Variants in DHRSX observed in about 807,000 individuals in gnomAD.
The protein encoded by DHRSX is polyprenol dehydrogenase.
Under a neutral mutation model 34.0 loss-of-function variants are expected in DHRSX, and 31 were observed. The ratio of observed to expected loss-of-function variants is 0.91; its 90% CI spans 0.69 to 1.23. DHRSX has a LOEUF of 1.23. DHRSX is among the 50% of genes most tolerant of loss of function. DHRSX has a pLI of 0.00. For missense variants in DHRSX, 414 were observed against 428.1 expected, an observed-to-expected ratio of 0.97 and a Z score of 0.29; for synonymous variants, 201 against 183.8, an observed-to-expected ratio of 1.09 and a Z score of -0.76.
At chrX:2,232,398 C>T (rs1420962860) in intron 6 of DHRSX, among the ~76,000 whole-genome samples, 6 of 151,942 alleles carry the variant, frequency 3.9e-5, no homozygotes, top group Admixed American at 1.3e-4. Flanking sequence ...ATGGAATTAC[C>T]GAGAACTATC....
intron 3 of DHRSX, among the ~76,000 whole-genome samples, chrX:2,332,326 G>A (rs942084614): frequency 6.6e-6 from 1 of 152,164 alleles, no homozygotes; most frequent in Non-Finnish European, 1.5e-5. Context: ...AGATTACGCT[G>A]GAGAAATATG....
chrX:2,415,037 G>A (rs1375276131), intron 2 of DHRSX, among the ~76,000 whole-genome samples: 10 of 149,516 alleles, frequency 6.7e-5, no homozygotes, highest in South Asian at 2.1e-4. Flanking sequence ...AGATCACATC[G>A]TGACCAACCA....
At chrX:2,292,491 T>C (rs138608944) in intron 3 of DHRSX, among the ~76,000 whole-genome samples, 3,253 of 152,062 alleles carry the variant, frequency 0.021, 115 homozygotes, top group African/African-American at 0.073. Context: ...CTGCTGAGTC[T>C]GTGGGTTATT....
intron 6 of DHRSX, among the ~76,000 whole-genome samples, chrX:2,235,530 G>C (rs1266006922): frequency 4.0e-5 from 6 of 151,480 alleles, no homozygotes; most frequent in Non-Finnish European, 5.9e-5. Context: ...GGATCACAAG[G>C]TCAAGAGATC....
intron 4 of DHRSX, 80 bp from the exon 5 acceptor site, chrX:2,267,027 C>T: frequency 1.4e-6 from 2 of 1,450,466 alleles, no homozygotes; most frequent in Non-Finnish European, 1.9e-6. Context: ...CCCAGATGCG[C>T]AAATGGCCCA....
intron 3 of DHRSX, among the ~76,000 whole-genome samples, chrX:2,403,891 A>T (rs1337278422): frequency 6.6e-5 from 10 of 152,016 alleles, no homozygotes; most frequent in Admixed American, 6.6e-4. Flanking sequence ...GTCAAAATTC[A>T]TGTTGTCTAA....
intron 3 of DHRSX, among the ~76,000 whole-genome samples, chrX:2,353,367 C>T (rs1320666345): frequency 6.6e-6 from 1 of 151,970 alleles, no homozygotes; most frequent in Non-Finnish European, 1.5e-5. Context: ...TCATTTACCC[C>T]GAAATGAAGT....
At chrX:2,423,850 A>T (rs2043810787) in intron 2 of DHRSX, among the ~76,000 whole-genome samples, 1 of 152,150 alleles carries the variant, frequency 6.6e-6, no homozygotes, top group Non-Finnish European at 1.5e-5. Context: ...GGAGTCAGAG[A>T]TCACGATAAG....
chrX:2,263,845 T>C (rs1284840505), intron 5 of DHRSX, among the ~76,000 whole-genome samples: 1 of 152,108 alleles, frequency 6.6e-6, no homozygotes, highest in East Asian at 1.9e-4. Flanking sequence ...TTAAACAAAC[T>C]AAGATGATTA....
intron 2 of DHRSX, among the ~76,000 whole-genome samples, chrX:2,410,868 G>T (rs186266755): frequency 6.6e-6 from 1 of 152,284 alleles, no homozygotes; most frequent in African/African-American, 2.4e-5. Flanking sequence ...TTCCTTGAAG[G>T]AATTCAAAGT....
intron 1 of DHRSX, among the ~76,000 whole-genome samples, chrX:2,427,271 T>C (rs1472283413): frequency 6.6e-6 from 1 of 151,846 alleles, no homozygotes; most frequent in African/African-American, 2.4e-5. Context: ...GCCAAGCACA[T>C]GGAAGGAGGG....
chrX:2,324,057 GAA>G (rs755736026), intron 3 of DHRSX, among the ~76,000 whole-genome samples: 70,366 of 142,846 alleles, frequency 0.49, 17,142 homozygotes, highest in Middle Eastern at 0.55. Context: ...ACCCTGTCTG[GAA>G]AAAAAAAAAA....
At chrX:2,359,438 G>A (rs1325362737) in intron 3 of DHRSX, among the ~76,000 whole-genome samples, 1 of 152,178 alleles carries the variant, frequency 6.6e-6, no homozygotes, top group Non-Finnish European at 1.5e-5. Context: ...AGCACTTTGG[G>A]AGGCCAAGGC....
At chrX:2,310,512 C>T (rs1172601118) in intron 3 of DHRSX, among the ~76,000 whole-genome samples, 5 of 151,162 alleles carry the variant, frequency 3.3e-5, no homozygotes, top group Non-Finnish European at 7.4e-5. Flanking sequence ...GTGAAAGACG[C>T]TGCAGCGAGA....
intron 5 of DHRSX, among the ~76,000 whole-genome samples, chrX:2,260,931 C>T (rs748456697): frequency 2.0e-5 from 3 of 151,244 alleles, no homozygotes; most frequent in East Asian, 2.0e-4. Flanking sequence ...TAATGGTGGT[C>T]GGGTGTGGTG....
chrX:2,299,093 T>C (rs911591133), intron 3 of DHRSX, among the ~76,000 whole-genome samples: 8 of 151,862 alleles, frequency 5.3e-5, no homozygotes, highest in South Asian at 2.1e-4. Context: ...CAACTGCCAG[T>C]ATCAAATACT....
At chrX:2,468,270 T>C (rs974365344) in intron 1 of DHRSX, among the ~76,000 whole-genome samples, 5 of 151,992 alleles carry the variant, frequency 3.3e-5, no homozygotes, top group African/African-American at 9.7e-5. Context: ...AGCAAGGGTG[T>C]AGGGGAAGAA....
At chrX:2,286,320 C>G (rs1215646440) in intron 4 of DHRSX, among the ~76,000 whole-genome samples, 1 of 150,592 alleles carries the variant, frequency 6.6e-6, no homozygotes, top group Admixed American at 6.6e-5. Flanking sequence ...ATGCACAAAC[C>G]AAGGCAAAAA....
intron 5 of DHRSX, among the ~76,000 whole-genome samples, chrX:2,252,285 CA>C (rs1474843988): frequency 6.6e-6 from 1 of 152,044 alleles, no homozygotes; most frequent in East Asian, 1.9e-4. Context: ...AGAATTAAGA[CA>C]GGGAAATTGA....
Sources: allele counts gnomAD v4.1 joint callset (sites outside exome capture counted in the v4.1 genomes callset), GRCh38; gene constraint gnomAD v4.1.1; transcripts MANE v1.5; gene names NCBI Gene and HGNC (gene_info 2026-07-23, HGNC 2026-07-21).